The following OPA1 variants were observed in gnomAD, a reference collection of about 807,000 sequenced individuals.
The protein encoded by OPA1 is OPA1 mitochondrial dynamin like GTPase, also known as dynamin-like GTPase OPA1, mitochondrial.
In OPA1, 59 loss-of-function variants were observed where a neutral mutation model predicts 152.9. That is an observed-to-expected ratio of 0.39 (90% CI 0.31 to 0.48). OPA1 has a LOEUF of 0.48. Among genes scored for constraint, OPA1 ranks in the 20% least tolerant of loss-of-function variants. OPA1 has a pLI of 0.96. For missense variants in OPA1, 1,008 were observed against 1,216.8 expected (o/e 0.83, Z 2.55); for synonymous variants, 400 against 389.9 (o/e 1.03, Z -0.31).
intron 1 of OPA1, among the ~76,000 whole-genome samples, chr3:193,602,961 T>C (rs1378241305): frequency 2.0e-5 from 3 of 152,220 alleles, no homozygotes; most frequent in Non-Finnish European, 4.4e-5. Context: ...TGATACCCCA[T>C]TGAGGGTGGT....
intron 21 of OPA1, among the ~76,000 whole-genome samples, chr3:193,653,990 A>T (rs1009664313): frequency 6.6e-6 from 1 of 152,168 alleles, no homozygotes; most frequent in South Asian, 2.1e-4. Flanking sequence ...TCAAAAAAAA[A>T]TTAAACATGT....
In OPA1 at chr3:193,696,087, A is replaced by G. The variant is rs1049588215; in HGVS notation, c.*1487A>G. ...GTGAATAGAAAGGGAGGAGAGCTCT[A>G]TTATGTTCTATACACAGATTAGGAG... On this transcript the variant is annotated 3_prime_UTR_variant, in exon 31 of 31. Transcript: ENST00000361510. 1 of 152,214 alleles carries G rather than the reference A, an allele frequency of 6.6e-6. No homozygotes were observed. The highest frequency in any genetic ancestry group is 1.5e-5 in the Non-Finnish European group (1 of 68,028). 9.4% of individuals were successfully genotyped at this position (152,214 alleles called of 1,614,324 possible).
Position 193,696,431 on chromosome 3 carries a change from C to T in OPA1, c.*1831C>T, listed in dbSNP as rs1217034319. 1 of 152,166 alleles carries T rather than the reference C, an allele frequency of 6.6e-6. No individual in the cohort carries two copies. The highest frequency in any genetic ancestry group is 2.4e-5 in the African/African-American group (1 of 41,450). The allele number at this position is 152,166 out of a possible 1,614,324, so 9.4% of individuals were successfully genotyped here. On this transcript the variant is annotated 3_prime_UTR_variant, in exon 31 of 31. Coordinates refer to ENST00000361510, the MANE Select transcript of OPA1 (RefSeq NM_130837.3). ...TGTAACGTATGTGAATAGATGATAA[C>T]AATTAATATTACTAAAAGTCCCACA...
At chr3:193,669,321 G>A (rs569485451) in intron 29 of OPA1, among the ~76,000 whole-genome samples, 82 of 152,012 alleles carry the variant, frequency 5.4e-4, no homozygotes, top group African/African-American at 1.9e-3. Context: ...TTCTTCTTTC[G>A]AGACATATCT....
At chr3:193,619,155 G>A (rs959984567) in intron 6 of OPA1, among the ~76,000 whole-genome samples, 2 of 152,192 alleles carry the variant, frequency 1.3e-5, no homozygotes, top group Non-Finnish European at 2.9e-5. Flanking sequence ...GTCCAGTGAA[G>A]CATTAGTTTC....
chr3:193,630,192 T>G (rs1220458570), intron 7 of OPA1, among the ~76,000 whole-genome samples: 1 of 152,200 alleles, frequency 6.6e-6, no homozygotes, highest in Admixed American at 6.5e-5. Context: ...GGCGACTGTT[T>G]ATAATTCTTG....
chr3:193,682,928 A>G (rs1347807874), intron 29 of OPA1, among the ~76,000 whole-genome samples: 1 of 152,148 alleles, frequency 6.6e-6, no homozygotes, highest in Non-Finnish European at 1.5e-5. Context: ...ATTATTTTAA[A>G]AATACGTGTC....
At position 193,695,876 on chromosome 3, in the gene OPA1, C is replaced by T. The variant is rs1722211179; in HGVS notation, c.*1276C>T. 6.6e-6 allele frequency: 1 copy of T among 152,164 alleles called. No homozygotes were observed. Among genetic ancestry groups the T allele is most frequent in the Non-Finnish European group, 1.5e-5 (1 of 68,022 alleles). The allele number at this position is 152,164 out of a possible 1,614,324, so 9.4% of individuals were successfully genotyped here. ...ATCAATGCATGCTTCGTTGTGATCC[C>T]TCAAGATGTAACACTTGGTATGCTC... On this transcript the variant is annotated 3_prime_UTR_variant, in exon 31 of 31. Transcript: ENST00000361510.
chr3:193,676,633 A>G (rs1474991897), intron 29 of OPA1, among the ~76,000 whole-genome samples: 1 of 152,214 alleles, frequency 6.6e-6, no homozygotes, highest in Non-Finnish European at 1.5e-5. Flanking sequence ...TCGAGACTCA[A>G]AATGGGTCTT....
intron 29 of OPA1, among the ~76,000 whole-genome samples, chr3:193,672,306 G>T (rs1718106364): frequency 6.6e-6 from 1 of 152,142 alleles, no homozygotes; most frequent in African/African-American, 2.4e-5. Context: ...CAGAAACTAA[G>T]TATCTGGGCA....
intron 29 of OPA1, among the ~76,000 whole-genome samples, chr3:193,685,281 G>A (rs1216967228): frequency 6.6e-6 from 1 of 150,838 alleles, no homozygotes; most frequent in East Asian, 1.9e-4. Context: ...CAGCCTGGAC[G>A]ACAGAGCGAG....
intron 4 of OPA1, among the ~76,000 whole-genome samples, chr3:193,617,531 A>G (rs930153066): frequency 2.0e-5 from 3 of 152,248 alleles, no homozygotes; most frequent in African/African-American, 7.2e-5. Context: ...GAAAAAATGT[A>G]TCACTTGTTC....
At chr3:193,600,656 C>A (rs1222280979) in intron 1 of OPA1, among the ~76,000 whole-genome samples, 1 of 152,204 alleles carries the variant, frequency 6.6e-6, no homozygotes, top group South Asian at 2.1e-4. Context: ...GATTAAGGAT[C>A]ATAGTTCGCT....
At position 193,666,220 on chromosome 3, in the gene OPA1, A is replaced by G. The variant is rs913446668; in HGVS notation, c.2779-76A>G. 9.2e-6 allele frequency: 11 copies of G among 1,197,932 alleles called. No individual in the cohort carries two copies. In the South Asian group the frequency reaches 9.8e-5, roughly 11 times the overall value. 74.2% of individuals were successfully genotyped at this position (1,197,932 alleles called of 1,614,324 possible). ...AGCTTAGGACATATCTACTGGTTCT[A>G]GTAGTTGTATGTGTTTACGATGATA... On this transcript the variant is annotated intron_variant, in intron 27 of 30. Transcript: ENST00000361510.
intron 21 of OPA1, among the ~76,000 whole-genome samples, chr3:193,653,886 T>C (rs1577282697): frequency 6.6e-6 from 1 of 152,266 alleles, no homozygotes; most frequent in Non-Finnish European, 1.5e-5. Context: ...TGGCTACAAT[T>C]TTAAATGACA....
chr3:193,656,258 G>A (rs1286672548), intron 22 of OPA1, among the ~76,000 whole-genome samples: 4 of 152,196 alleles, frequency 2.6e-5, no homozygotes, highest in African/African-American at 9.6e-5. Context: ...AGCACTAGGT[G>A]TCATGGAAAG....
At chr3:193,667,595 C>T (rs537947760) in intron 29 of OPA1, 14 of 340,362 alleles carry the variant, frequency 4.1e-5, no homozygotes, top group Middle Eastern at 1.0e-3. Context: ...GGTGTGAACC[C>T]GGGAGGCGGA....
At chr3:193,596,420 C>CTTTTCTTTTCTTTTTTTTTCT in intron 1 of OPA1, among the ~76,000 whole-genome samples, 1 of 118,776 alleles carries the variant, frequency 8.4e-6, no homozygotes, top group Admixed American at 8.7e-5. Flanking sequence ...CTTTTCTTTT[C>CTTTTCTTTTCTTTTTTTTTCT]TTTCACACAG....
At chr3:193,681,097 A>C (rs1400274207) in intron 29 of OPA1, among the ~76,000 whole-genome samples, 1 of 152,212 alleles carries the variant, frequency 6.6e-6, no homozygotes, top group Non-Finnish European at 1.5e-5. Flanking sequence ...TATTGTAGGA[A>C]TAGATATTGA....
Sources: allele counts gnomAD v4.1 joint callset (sites outside exome capture counted in the v4.1 genomes callset), GRCh38; gene constraint gnomAD v4.1.1; transcripts MANE v1.5; gene names NCBI Gene and HGNC (gene_info 2026-07-23, HGNC 2026-07-21).